SLK: variants seen among roughly 807,000 people sequenced by gnomAD.
SLK encodes the protein STE20-like serine/threonine-protein kinase.
SLK carries 67 observed loss-of-function variants against 147.7 expected under a neutral mutation model. The ratio of observed to expected loss-of-function variants is 0.45; its 90% CI spans 0.37 to 0.56. The LOEUF is 0.56. Ranked by LOEUF, SLK falls within the 20% of genes least tolerant of loss-of-function variation. The pLI is 0.00. For missense variants in SLK, 1,136 were observed against 1,438.8 expected (o/e 0.79, Z 3.41); for synonymous variants, 441 against 475.0 (o/e 0.93, Z 0.93).
At chr10:104,007,319 T>C (rs1844339871) in intron 11 of SLK, among the ~76,000 whole-genome samples, 1 of 152,084 alleles carries the variant, frequency 6.6e-6, no homozygotes, top group Non-Finnish European at 1.5e-5. Flanking sequence ...AGAAAACAAA[T>C]TTTGGGTCGG....
Position 103,967,222 on chromosome 10 carries a change from C to T in SLK, c.-524C>T, listed in dbSNP as rs1843724026. On this transcript the variant is annotated 5_prime_UTR_variant, in exon 1 of 19. Coordinates refer to ENST00000369755, the MANE Select transcript of SLK (RefSeq NM_014720.4). Reference sequence around the variant, plus strand: ...GGCGGCGGCGGCGGCGCCCCAGACCCGAGGGGACGCGCGGGCCTTGCGCCG... The same window carrying T: ...GGCGGCGGCGGCGGCGCCCCAGACCTGAGGGGACGCGCGGGCCTTGCGCCG... 6.6e-6 allele frequency: 1 copy of T among 151,976 alleles called. No individual in the cohort carries two copies. Among genetic ancestry groups the T allele is most frequent in the Non-Finnish European group, 1.5e-5 (1 of 68,372 alleles). The allele number at this position is 151,976 out of a possible 1,614,324, so 9.4% of individuals were successfully genotyped here.
intron 18 of SLK, 45 bp downstream of exon 18, chr10:104,021,778 C>A: frequency 1.0e-6 from 1 of 995,534 alleles, no homozygotes; most frequent in Non-Finnish European, 1.6e-6. Context: ...TGTACTCGTC[C>A]GTCTACCCAG....
intron 18 of SLK, among the ~76,000 whole-genome samples, chr10:104,023,632 C>G (rs922440327): frequency 1.3e-5 from 2 of 152,094 alleles, no homozygotes; most frequent in Non-Finnish European, 2.9e-5. Context: ...TATGCTCCTC[C>G]TCATTTCACC....
intron 7 of SLK, among the ~76,000 whole-genome samples, 159 bp from the exon 8 acceptor site, chr10:104,001,285 C>T (rs1286983664): frequency 6.6e-6 from 1 of 152,092 alleles, no homozygotes; most frequent in East Asian, 1.9e-4. Context: ...AGCCCTCTCC[C>T]CTCTTTCTTT....
chr10:103,990,581 TA>T (rs1375468216), intron 1 of SLK, 93 bp from the exon 2 acceptor site: 2 of 686,004 alleles, frequency 2.9e-6, no homozygotes, highest in East Asian at 6.7e-5. Context: ...AAATATGAAT[TA>T]AATATGAATT....
intron 4 of SLK, among the ~76,000 whole-genome samples, chr10:103,995,423 C>CTTTTTTTTTTTTTTTT (rs756975426): frequency 1.3e-4 from 9 of 67,708 alleles, no homozygotes; most frequent in Non-Finnish European, 2.2e-4. Context: ...TCTTTCTTTT[C>CTTTTTTTTTTTTTTTT]TTTTTTTTTT....
chr10:104,008,069 C>T (rs1007873220), intron 11 of SLK, 108 bp from the exon 12 acceptor site: 1 of 795,976 alleles, frequency 1.3e-6, no homozygotes, highest in Non-Finnish European at 2.0e-6. Flanking sequence ...GGTTATAGTA[C>T]ATTACTAAAT....
At chr10:104,020,641 C>T in intron 17 of SLK, 28 bp downstream of exon 17, 2 of 1,599,890 alleles carry the variant, frequency 1.3e-6, no homozygotes, top group Non-Finnish European at 1.7e-6. Context: ...GACAGCAAAG[C>T]CCATAGGATG....
chr10:103,979,002 T>G (rs978049148), intron 1 of SLK, among the ~76,000 whole-genome samples: 15 of 63,384 alleles, frequency 2.4e-4, no homozygotes, highest in African/African-American at 8.3e-4. Flanking sequence ...GAAATCAAGA[T>G]ATTTTATTAA....
Position 104,019,905 on chromosome 10 carries a change from C to A in SLK, c.3304C>A (p.Arg1102Ser). ...INSTATPDQD[R>S]DKIKQFAAQE... ...CTCAACAGCCACACCAGATCAGGAC[C>A]GTGATAAAATTAAACAGGTAAATAT... The change falls in exon 16 of 19, where the codon CGT becomes AGT. Residue 1102 changes from arginine to serine, a missense_variant. Around this residue, in one of 6 missense-constraint regions of SLK, gnomAD observed 327 missense variants for 457.5 expected, o/e 0.71. Transcript: ENST00000369755. 6.2e-7 allele frequency: 1 copy of A among 1,612,072 alleles called. No individual in the cohort carries two copies. Among genetic ancestry groups the A allele is most frequent in the Non-Finnish European group, 8.5e-7 (1 of 1,178,848 alleles).
intron 13 of SLK, among the ~76,000 whole-genome samples, chr10:104,017,611 C>T (rs1013341224): frequency 2.0e-5 from 3 of 152,194 alleles, no homozygotes; most frequent in African/African-American, 7.2e-5. Context: ...TCCCTAGTAG[C>T]TGGGATTACA....
chr10:104,020,988 C>T (rs774437848), intron 17 of SLK, among the ~76,000 whole-genome samples: 1 of 151,980 alleles, frequency 6.6e-6, no homozygotes, highest in Non-Finnish European at 1.5e-5. Context: ...ATTTCTTTTC[C>T]ATTTAGAGGG....
At position 104,002,943 on chromosome 10, in the gene SLK, A is replaced by G. The variant is rs1358887231; in HGVS notation, c.1765A>G (p.Met589Val). The change falls in exon 9 of 19, where the codon ATG becomes GTG. Residue 589 changes from methionine (M) to valine (V), a missense_variant. Physicochemically the swap from Met to Val is conservative, Grantham distance 21 (BLOSUM62 1). This residue lies in a region of SLK where 516 missense variants were observed against 531.3 expected (regional missense o/e 0.97). Transcript: ENST00000369755. Reference sequence around the variant, plus strand: ...AGGCCAGAAATTAATTAATAAGCCCATGGTGGGTCCTGAGGCTGGTGGTAC... The same window carrying G: ...AGGCCAGAAATTAATTAATAAGCCCGTGGTGGGTCCTGAGGCTGGTGGTAC... The part of the protein sequence containing the change: ...EVGQKLINKP[M>V]VGPEAGGTKE... 4 of 1,613,974 alleles carry G rather than the reference A, an allele frequency of 2.5e-6. No individual in the cohort carries two copies. Among genetic ancestry groups the G allele is most frequent in the African/African-American group, 1.3e-5 (1 of 74,936 alleles).
intron 13 of SLK, among the ~76,000 whole-genome samples, chr10:104,015,173 A>G (rs1040364824): frequency 2.6e-5 from 4 of 152,182 alleles, no homozygotes; most frequent in Admixed American, 6.5e-5. Context: ...ATAGTCATCC[A>G]GATTCTGCTT....
intron 1 of SLK, among the ~76,000 whole-genome samples, chr10:103,977,873 T>C (rs1049314121): frequency 6.6e-5 from 10 of 152,208 alleles, no homozygotes; most frequent in Non-Finnish European, 1.3e-4. Flanking sequence ...CCTATAAAAA[T>C]GTTGATATGT....
intron 1 of SLK, among the ~76,000 whole-genome samples, chr10:103,985,756 T>C (rs923320310): frequency 6.6e-6 from 1 of 152,128 alleles, no homozygotes; most frequent in African/African-American, 2.4e-5. Context: ...TGTTAGAAAA[T>C]GTAAAAATAT....
At chr10:103,975,536 T>A (rs1443253549) in intron 1 of SLK, among the ~76,000 whole-genome samples, 1 of 147,554 alleles carries the variant, frequency 6.8e-6, no homozygotes, top group Non-Finnish European at 1.5e-5. Flanking sequence ...CTTAGACTAC[T>A]GCAGTCTTAT....
rs575969813 is a variant in SLK, at chr10:103,995,353, T to C, written c.514+2220T>C. ...AGCTTACTTGACAGTTCTGAGATGT[T>C]TCAGGCTCATCTGTGTATTTCCTGT... On this transcript the variant is annotated intron_variant, in intron 4 of 18. Coordinates refer to ENST00000369755, the MANE Select transcript of SLK (RefSeq NM_014720.4). Among the ~76,000 whole-genome samples, 46 of 152,138 alleles carry C rather than the reference T, an allele frequency of 3.0e-4. No individual in the cohort carries two copies. In the South Asian group the frequency reaches 9.3e-3, roughly 31 times the overall value.
chr10:104,010,680 T>C, intron 12 of SLK, 136 bp from the exon 13 acceptor site: 1 of 479,574 alleles, frequency 2.1e-6, no homozygotes. Flanking sequence ...TTCACCAGAC[T>C]AACACCTATG....
Sources: gnomAD v4.1 joint callset for allele counts (sites outside exome capture counted in the v4.1 genomes callset) on GRCh38, gnomAD v4.1.1 for gene constraint, gnomAD v4.1.1 regional missense constraint, MANE v1.5 for transcripts, NCBI Gene and HGNC (gene_info 2026-07-23, HGNC 2026-07-21) for gene names.